The following ST6GALNAC3 variants were observed in gnomAD, a reference collection of about 807,000 sequenced individuals.
ST6GALNAC3 encodes ST6 N-acetylgalactosaminide alpha-2,6-sialyltransferase 3, also known as alpha-N-acetylgalactosaminide alpha-2,6-sialyltransferase 3.
ST6GALNAC3 carries 25 observed loss-of-function variants against 32.7 expected under a neutral mutation model. The ratio of observed to expected loss-of-function variants is 0.76; its 90% CI spans 0.56 to 1.07. The LOEUF (loss-of-function observed/expected upper bound fraction) is 1.07. Ranked by LOEUF, ST6GALNAC3 falls within the 50% of genes least tolerant of loss-of-function variation. The pLI, the probability that ST6GALNAC3 is intolerant of heterozygous loss-of-function variation, is 0.00. For missense variants in ST6GALNAC3, 355 were observed against 382.4 expected (o/e 0.93, Z 0.60); for synonymous variants, 129 against 133.1 (o/e 0.97, Z 0.21).
intron 1 of ST6GALNAC3, among the ~76,000 whole-genome samples, chr1:76,246,042 A>C (rs1657238508): frequency 6.6e-6 from 1 of 152,164 alleles, no homozygotes; most frequent in South Asian, 2.1e-4. Flanking sequence ...ATGGAAGTCT[A>C]AGTGTCTTTG....
chr1:76,610,347 G>C (rs1000292416), intron 3 of ST6GALNAC3, among the ~76,000 whole-genome samples: 1 of 152,064 alleles, frequency 6.6e-6, no homozygotes, highest in Non-Finnish European at 1.5e-5. Context: ...TGCCCCAAAC[G>C]GTTGACGGTT....
At chr1:76,405,274 G>A (rs191224514) in intron 2 of ST6GALNAC3, among the ~76,000 whole-genome samples, 134 of 152,128 alleles carry the variant, frequency 8.8e-4, no homozygotes, top group South Asian at 5.0e-3. Context: ...GTGACCTTTC[G>A]TACATGGCTG....
At position 76,576,946 on chromosome 1, in the gene ST6GALNAC3, GAAACAAAC is replaced by G. The variant is rs369535163; in HGVS notation, c.624-50490_624-50483del. On this transcript the variant is annotated intron_variant, in intron 3 of 4. Transcript: ENST00000328299. ...GGAAGGAATAAAAGAAAGAAAGAAA[GAAACAAAC>G]AAACAAACAAACAAAACTAAGCAAG... 913 of 1,271,754 alleles carry G rather than the reference GAAACAAAC, an allele frequency of 7.2e-4. 4 individuals are homozygous for G. In the African/African-American group the frequency reaches 0.013, roughly 17 times the overall value. The allele number at this position is 1,271,754 out of a possible 1,614,324, so 78.8% of individuals were successfully genotyped here. A position where few individuals can be genotyped will look rare whatever the true frequency, so the allele number is the denominator to read the frequency against.
intron 3 of ST6GALNAC3, among the ~76,000 whole-genome samples, chr1:76,512,478 T>C (rs1661925960): frequency 6.6e-6 from 1 of 152,206 alleles, no homozygotes; most frequent in Non-Finnish European, 1.5e-5. Flanking sequence ...TAATTACACA[T>C]ATTTATGGTG....
At chr1:76,519,702 C>G (rs1372474091) in intron 3 of ST6GALNAC3, among the ~76,000 whole-genome samples, 2 of 151,958 alleles carry the variant, frequency 1.3e-5, no homozygotes, top group Non-Finnish European at 1.5e-5. Flanking sequence ...CATCTGTACT[C>G]TTTTCTAGGA....
intron 3 of ST6GALNAC3, among the ~76,000 whole-genome samples, chr1:76,495,796 G>A (rs911916571): frequency 6.6e-6 from 1 of 152,092 alleles, no homozygotes; most frequent in Non-Finnish European, 1.5e-5. Flanking sequence ...GATGATCTTG[G>A]AACCCAGTGG....
intron 1 of ST6GALNAC3, among the ~76,000 whole-genome samples, chr1:76,156,966 C>T (rs777778183): frequency 3.9e-5 from 6 of 152,176 alleles, no homozygotes; most frequent in Admixed American, 6.5e-5. Flanking sequence ...CTTCTGACCT[C>T]GTGATCTGCC....
chr1:76,213,690 A>G (rs1655297303), intron 1 of ST6GALNAC3, among the ~76,000 whole-genome samples: 1 of 152,182 alleles, frequency 6.6e-6, no homozygotes. Context: ...GTGAACATGC[A>G]ATCTTTTAGG....
chr1:76,426,311 A>G (rs1391165037), intron 3 of ST6GALNAC3, among the ~76,000 whole-genome samples: 2 of 151,856 alleles, frequency 1.3e-5, no homozygotes, highest in Admixed American at 6.6e-5. Context: ...TGACACACAT[A>G]GGTGACACTA....
chr1:76,308,085 A>C (rs986887088), intron 1 of ST6GALNAC3, among the ~76,000 whole-genome samples: 34 of 151,456 alleles, frequency 2.2e-4, no homozygotes, highest in Non-Finnish European at 4.1e-4. Flanking sequence ...GCAATTCATC[A>C]GATCTATTTG....
At chr1:76,547,682 A>C (rs892377004) in intron 3 of ST6GALNAC3, among the ~76,000 whole-genome samples, 7 of 151,908 alleles carry the variant, frequency 4.6e-5, no homozygotes, top group African/African-American at 1.7e-4. Flanking sequence ...GTGAAACCCC[A>C]TCTCTACTAA....
chr1:76,174,858 A>G (rs1652752370), intron 1 of ST6GALNAC3, among the ~76,000 whole-genome samples: 1 of 151,798 alleles, frequency 6.6e-6, no homozygotes, highest in South Asian at 2.1e-4. Flanking sequence ...AGTAGATACA[A>G]GGTTTCTCCA....
chr1:76,332,074 CAG>C (rs1344537673), intron 2 of ST6GALNAC3, among the ~76,000 whole-genome samples: 2 of 152,184 alleles, frequency 1.3e-5, no homozygotes, highest in Non-Finnish European at 2.9e-5. Flanking sequence ...TCTCCTTACC[CAG>C]AGTTAGTTCT....
chr1:76,374,721 C>T (rs1476492209), intron 2 of ST6GALNAC3, among the ~76,000 whole-genome samples: 1 of 152,134 alleles, frequency 6.6e-6, no homozygotes, highest in East Asian at 1.9e-4. Flanking sequence ...TATCATCTTA[C>T]ATGTTATTTA....
intron 3 of ST6GALNAC3, among the ~76,000 whole-genome samples, chr1:76,496,642 C>A (rs1365322810): frequency 6.6e-6 from 1 of 152,086 alleles, no homozygotes; most frequent in Non-Finnish European, 1.5e-5. Context: ...TTTGCCACAA[C>A]CCCAAGAGAG....
chr1:76,537,197 C>T (rs190445597), intron 3 of ST6GALNAC3, among the ~76,000 whole-genome samples: 18 of 152,098 alleles, frequency 1.2e-4, no homozygotes, highest in East Asian at 3.9e-4. Flanking sequence ...CTCAAAACCA[C>T]AAAATTACAT....
chr1:76,595,170 GC>G (rs932670117), intron 3 of ST6GALNAC3, among the ~76,000 whole-genome samples: 2 of 152,100 alleles, frequency 1.3e-5, no homozygotes, highest in Admixed American at 1.3e-4. Context: ...GGGGCTCCTT[GC>G]TTTTGTTTAG....
intron 1 of ST6GALNAC3, among the ~76,000 whole-genome samples, chr1:76,234,943 C>CT (rs34170584): frequency 1.3e-5 from 2 of 152,126 alleles, no homozygotes; most frequent in African/African-American, 2.4e-5. Flanking sequence ...CTAACATTAC[C>CT]TTTTTCCCAA....
intron 1 of ST6GALNAC3, among the ~76,000 whole-genome samples, chr1:76,282,286 TA>T (rs112076222): frequency 0.018 from 2,147 of 119,760 alleles, 45 homozygotes; most frequent in African/African-American, 0.061. Flanking sequence ...CACATATTCA[TA>T]CCCATGTGTG....
Sources: allele counts gnomAD v4.1 joint callset (sites outside exome capture counted in the v4.1 genomes callset), GRCh38; gene constraint gnomAD v4.1.1; transcripts MANE v1.5; gene names NCBI Gene and HGNC (gene_info 2026-07-23, HGNC 2026-07-21).